Variants in PACRG observed in about 807,000 individuals in gnomAD.
PACRG encodes parkin coregulated.
In PACRG, 29 loss-of-function variants were observed where a neutral mutation model predicts 29.7. The observed-to-expected ratio is 0.98, with a 90% CI of 0.73 to 1.33. The LOEUF is 1.33. Among genes scored for constraint, PACRG ranks in the 40% most tolerant of loss-of-function variants. The probability of loss-of-function intolerance (pLI) is 0.00; values close to 1 mark genes in which losing one functional copy is unlikely to be tolerated. For missense variants in PACRG, 279 were observed against 316.2 expected (o/e 0.88, Z 0.89); for synonymous variants, 116 against 118.7 (o/e 0.98, Z 0.15).
intron 2 of PACRG, among the ~76,000 whole-genome samples, chr6:162,983,909 C>T (rs1170096479): frequency 6.6e-6 from 1 of 152,004 alleles, no homozygotes; most frequent in Non-Finnish European, 1.5e-5. Context: ...GTTTTCCAAG[C>T]TTTTAAATTT....
chr6:162,890,204 A>G (rs1051823498), intron 2 of PACRG, among the ~76,000 whole-genome samples: 6 of 152,154 alleles, frequency 3.9e-5, no homozygotes, highest in African/African-American at 1.2e-4. Context: ...GGTTCTTTCT[A>G]CCTTTCTACT....
chr6:162,772,989 G>C (rs1300698188), intron 1 of PACRG, among the ~76,000 whole-genome samples: 1 of 151,564 alleles, frequency 6.6e-6, no homozygotes, highest in Non-Finnish European at 1.5e-5. Flanking sequence ...GTATTATAGA[G>C]ACTATTGGTT....
intron 1 of PACRG, among the ~76,000 whole-genome samples, chr6:162,797,597 ATAAG>A (rs1485700825): frequency 2.0e-5 from 3 of 152,244 alleles, no homozygotes; most frequent in African/African-American, 2.4e-5. Context: ...TCAGCAATAA[ATAAG>A]TAGCTCTTGT....
intron 2 of PACRG, among the ~76,000 whole-genome samples, chr6:162,890,388 TTC>T (rs1046039805): frequency 1.3e-5 from 2 of 152,170 alleles, no homozygotes; most frequent in African/African-American, 2.4e-5. Context: ...TTAAGAAATT[TTC>T]TGTTTTTTTC....
intron 4 of PACRG, among the ~76,000 whole-genome samples, chr6:163,125,434 G>T (rs1250622363): frequency 2.0e-5 from 3 of 152,176 alleles, no homozygotes; most frequent in Non-Finnish European, 4.4e-5. Flanking sequence ...CTCACATACA[G>T]TGAAAAAACT....
chr6:162,930,110 A>T (rs1456865785), intron 2 of PACRG, among the ~76,000 whole-genome samples: 1 of 151,182 alleles, frequency 6.6e-6, no homozygotes, highest in Non-Finnish European at 1.5e-5. Flanking sequence ...TTCAGGATTT[A>T]AAAAAATATA....
At chr6:163,078,506 G>A (rs1404054459) in intron 3 of PACRG, among the ~76,000 whole-genome samples, 2 of 151,830 alleles carry the variant, frequency 1.3e-5, no homozygotes, top group Admixed American at 6.6e-5. Context: ...AAAAAAAAGG[G>A]GGGGAGGGGG....
At chr6:163,306,790 TA>T (rs1785210714) in intron 4 of PACRG, among the ~76,000 whole-genome samples, 1 of 152,226 alleles carries the variant, frequency 6.6e-6, no homozygotes, top group Admixed American at 6.5e-5. Flanking sequence ...TCAGTTGAAA[TA>T]CAGGCATCCA....
At chr6:163,195,267 C>T (rs1299428344) in intron 4 of PACRG, among the ~76,000 whole-genome samples, 1 of 152,208 alleles carries the variant, frequency 6.6e-6, no homozygotes, top group African/African-American at 2.4e-5. Flanking sequence ...ATAATGTTGG[C>T]TAATTGTTTA....
Position 163,217,690 on chromosome 6 carries a change from C to T in PACRG, c.614-97137C>T, listed in dbSNP as rs1781418078. The stretch of plus-strand genomic sequence containing the variant: ...TCGCTTTACTGCCTGAGCTCCGCCT[C>T]CTGTCAGATCAGCAGCAGCATTGGA... On this transcript the variant is annotated intron_variant, in intron 4 of 4. Transcript: ENST00000366888. 3.9e-5 allele frequency among the ~76,000 whole-genome samples: 6 copies of T among 152,120 alleles called. No homozygotes were observed. In the South Asian group the frequency reaches 1.2e-3, roughly 31 times the overall value.
chr6:163,150,233 C>T (rs1460957545), intron 4 of PACRG, among the ~76,000 whole-genome samples: 1 of 152,200 alleles, frequency 6.6e-6, no homozygotes, highest in African/African-American at 2.4e-5. Context: ...TCACATCTAG[C>T]TAATACGAGT....
At chr6:163,170,907 G>A in intron 4 of PACRG, 1 of 152,056 alleles carries the variant, frequency 6.6e-6, no homozygotes. Context: ...TACTTCATTT[G>A]TAGCTCCTAA....
intron 2 of PACRG, among the ~76,000 whole-genome samples, chr6:162,940,314 C>T (rs1407645951): frequency 1.3e-5 from 2 of 152,056 alleles, no homozygotes; most frequent in South Asian, 2.1e-4. Context: ...TTCTCCTTGG[C>T]TCTCTGACTT....
chr6:163,251,075 A>G (rs3950175), intron 4 of PACRG, among the ~76,000 whole-genome samples: 63,814 of 151,472 alleles, frequency 0.42, 13,532 homozygotes, highest in African/African-American at 0.46. Context: ...ATGCAAAGGC[A>G]TAAGAATGAT....
chr6:162,984,797 T>C (rs1802736641), intron 2 of PACRG, among the ~76,000 whole-genome samples: 1 of 152,026 alleles, frequency 6.6e-6, no homozygotes, highest in Admixed American at 6.6e-5. Context: ...GGTTTTCCAT[T>C]TGTATATCTT....
intron 2 of PACRG, among the ~76,000 whole-genome samples, chr6:162,958,871 A>G (rs1800315344): frequency 1.7e-5 from 1 of 59,930 alleles, no homozygotes; most frequent in Admixed American, 2.5e-4. Flanking sequence ...ATATATATAT[A>G]TATATATATA....
intron 2 of PACRG, among the ~76,000 whole-genome samples, chr6:162,995,556 C>G (rs896837362): frequency 1.3e-5 from 2 of 152,250 alleles, no homozygotes; most frequent in Non-Finnish European, 2.9e-5. Context: ...CTCCCTGACC[C>G]CTTGCGCTTC....
chr6:163,222,719 T>A (rs937076720), intron 4 of PACRG, among the ~76,000 whole-genome samples: 2 of 151,938 alleles, frequency 1.3e-5, no homozygotes, highest in Admixed American at 1.3e-4. Flanking sequence ...GAAAGAAAAA[T>A]TAAGAGATTT....
intron 2 of PACRG, among the ~76,000 whole-genome samples, chr6:162,848,741 A>G (rs1305764612): frequency 2.6e-5 from 4 of 152,258 alleles, no homozygotes; most frequent in East Asian, 1.9e-4. Context: ...ATGTGAAATC[A>G]ATTGGATAAT....
Sources: allele counts gnomAD v4.1 joint callset (sites outside exome capture counted in the v4.1 genomes callset), GRCh38; gene constraint gnomAD v4.1.1; transcripts MANE v1.5; gene names NCBI Gene and HGNC (gene_info 2026-07-23, HGNC 2026-07-21).